The following GALC variants were observed in gnomAD, a reference collection of about 807,000 sequenced individuals.
GALC encodes galactocerebrosidase.
In GALC, 77 loss-of-function variants were observed where a neutral mutation model predicts 91.8. The ratio of observed to expected loss-of-function variants is 0.84; its 90% CI spans 0.70 to 1.01. The LOEUF (loss-of-function observed/expected upper bound fraction) is 1.01, where lower values mean the gene tolerates loss of function less well. Ranked by LOEUF, GALC falls within the 50% of genes least tolerant of loss-of-function variation. The pLI, the probability that GALC is intolerant of heterozygous loss-of-function variation, is 0.00. For missense variants in GALC, 882 were observed against 855.9 expected (o/e 1.03, Z -0.38); for synonymous variants, 357 against 306.7 (o/e 1.16, Z -1.71).
intron 14 of GALC, 23 bp downstream of exon 14, chr14:87,945,530 C>T (rs2139950942): frequency 6.5e-7 from 1 of 1,535,018 alleles, no homozygotes; most frequent in African/African-American, 1.4e-5. Context: ...CAGCCAGATC[C>T]ACATTGAGAA....
At chr14:87,940,061 G>T in intron 15 of GALC, 80 bp from the exon 16 acceptor site, 1 of 1,056,546 alleles carries the variant, frequency 9.5e-7, no homozygotes, top group Non-Finnish European at 1.5e-6. Flanking sequence ...TGGGGTTCTT[G>T]AGTGGCATCT....
chr14:87,978,542 A>G (rs1020927421), intron 6 of GALC, among the ~76,000 whole-genome samples: 1 of 152,234 alleles, frequency 6.6e-6, no homozygotes, highest in African/African-American at 2.4e-5. Context: ...GTTTCCATCC[A>G]TAAGTCATTA....
chr14:87,962,148 C>T (rs1292566018), intron 10 of GALC, among the ~76,000 whole-genome samples: 1 of 152,084 alleles, frequency 6.6e-6, no homozygotes, highest in Non-Finnish European at 1.5e-5. Flanking sequence ...AGAATATAAC[C>T]AGACAAAAAT....
At chr14:87,956,803 T>C (rs1885577285) in intron 10 of GALC, among the ~76,000 whole-genome samples, 1 of 151,800 alleles carries the variant, frequency 6.6e-6, no homozygotes, top group African/African-American at 2.4e-5. Context: ...CAGGAATGAA[T>C]GGCAGATCAA....
At chr14:87,946,543 A>G (rs1417412192) in intron 13 of GALC, among the ~76,000 whole-genome samples, 1 of 152,012 alleles carries the variant, frequency 6.6e-6, no homozygotes, top group Non-Finnish European at 1.5e-5. Flanking sequence ...TAGCTCATAA[A>G]GTATTACATT....
At position 87,976,813 on chromosome 14, in the gene GALC, G is replaced by A. The variant is rs146803770; in HGVS notation, c.622-325C>T. The stretch of plus-strand genomic sequence containing the variant: ...TATTTTTTAGCAGAGACAGGGTTTC[G>A]CCATATTGGCCAGGCTGGTCTTGAA... On this transcript the variant is annotated intron_variant, in intron 6 of 16. Transcript: ENST00000261304. The A allele has an allele frequency of 7.9e-3, 2,663 of 335,902 alleles. 68 individuals carry two copies. Among genetic ancestry groups the A allele is most frequent in the African/African-American group, 0.053 (2,482 of 46,514 alleles). The allele number at this position is 335,902 out of a possible 1,614,324, so 20.8% of individuals were successfully genotyped here. A position where few individuals can be genotyped will look rare whatever the true frequency, so the allele number is the denominator to read the frequency against.
At chr14:87,965,742 C>A in intron 8 of GALC, 113 bp from the exon 9 acceptor site, 1 of 1,033,616 alleles carries the variant, frequency 9.7e-7, no homozygotes, top group Non-Finnish European at 1.4e-6. Flanking sequence ...ACATAAATGA[C>A]AATAAAAGGA....
intron 7 of GALC, among the ~76,000 whole-genome samples, chr14:87,971,514 CA>C (rs1237918705): frequency 6.6e-6 from 1 of 151,956 alleles, no homozygotes; most frequent in Non-Finnish European, 1.5e-5. Flanking sequence ...TAAAAACCAG[CA>C]AAGGTCTTTA....
chr14:87,951,878 C>G (rs76509426), intron 10 of GALC, among the ~76,000 whole-genome samples: 2 of 151,596 alleles, frequency 1.3e-5, no homozygotes, highest in Non-Finnish European at 2.9e-5. Flanking sequence ...GATTAGAAAC[C>G]AAGAAAGGAT....
At chr14:87,955,905 G>A (rs1030392646) in intron 10 of GALC, among the ~76,000 whole-genome samples, 4 of 151,470 alleles carry the variant, frequency 2.6e-5, no homozygotes, top group African/African-American at 9.7e-5. Context: ...TATTCTGTAA[G>A]TTCAGAGTAT....
At chr14:87,954,938 T>A in intron 10 of GALC, 1 of 1,515,552 alleles carries the variant, frequency 6.6e-7, no homozygotes, top group South Asian at 1.1e-5. Context: ...TACATCCGTG[T>A]AGACTCAAAG....
chr14:87,946,387 A>G (rs1885072277), intron 13 of GALC, among the ~76,000 whole-genome samples: 1 of 152,034 alleles, frequency 6.6e-6, no homozygotes, highest in Non-Finnish European at 1.5e-5. Flanking sequence ...GCTGTAGAGG[A>G]GAAATTTTAC....
chr14:87,986,958 G>C (rs1013148079), intron 3 of GALC: 12 of 441,896 alleles, frequency 2.7e-5, no homozygotes, highest in Non-Finnish European at 4.9e-5. Context: ...CCAACTTTAA[G>C]TTCTGATTAC....
rs78508589 is a variant in GALC, at chr14:87,963,781, T to C, written c.1034-270A>G. On this transcript the variant is annotated intron_variant, in intron 9 of 16. Transcript: ENST00000261304. ...ATATGATCAGTCTTTTTTTTAAGAA[T>C]AAAATAGTTATTCCCCCCCCAAACT... is the stretch of plus-strand genomic sequence containing the variant. Among the ~76,000 whole-genome samples, 17,181 of 152,078 alleles carry C rather than the reference T, an allele frequency of 0.11. 1,141 individuals are homozygous for C. The highest frequency in any genetic ancestry group is 0.16 in the Non-Finnish European group (10,607 of 67,928).
intron 2 of GALC, 74 bp from the exon 3 acceptor site, chr14:87,988,281 T>C (rs1887056051): frequency 1.4e-6 from 2 of 1,422,202 alleles, no homozygotes; most frequent in Non-Finnish European, 2.0e-6. Context: ...AATTACTGCC[T>C]TAGGTTTTAC....
In GALC at chr14:87,984,541, G is replaced by T. The variant is rs1886890897; in HGVS notation, c.443-8C>A. 6.2e-7 allele frequency: 1 copy of T among 1,614,114 alleles called. No individual in the cohort carries two copies. On this transcript the variant is annotated splice_polypyrimidine_tract_variant and splice_region_variant and intron_variant, in intron 4 of 16. Coordinates refer to ENST00000261304, the MANE Select transcript of GALC (RefSeq NM_000153.4). ...GGAATGACCATGGCAACCCTGCAGAGAGAAGGGAGGAGGCAAAGGTAGAGG... is the reference window on the plus strand; with the variant it reads ...GGAATGACCATGGCAACCCTGCAGATAGAAGGGAGGAGGCAAAGGTAGAGG...
At chr14:87,950,898 T>C (rs1885279103) in intron 10 of GALC, 150 bp from the exon 11 acceptor site, 2 of 597,846 alleles carry the variant, frequency 3.3e-6, no homozygotes, top group Non-Finnish European at 6.0e-6. Context: ...AAGACTTTTT[T>C]ACAATATAAT....
At chr14:87,968,213 C>G in intron 8 of GALC, 122 bp downstream of exon 8, 1 of 799,416 alleles carries the variant, frequency 1.3e-6, no homozygotes, top group Non-Finnish European at 2.0e-6. Context: ...ATGACGCTAA[C>G]AAGGCAAAAT....
chr14:87,962,871 C>A (rs1885867215), intron 10 of GALC, among the ~76,000 whole-genome samples: 1 of 152,120 alleles, frequency 6.6e-6, no homozygotes, highest in African/African-American at 2.4e-5. Flanking sequence ...CACCTTCATT[C>A]TTTCATTCAG....
Sources: gnomAD v4.1 joint callset for allele counts (sites outside exome capture counted in the v4.1 genomes callset) on GRCh38, gnomAD v4.1.1 for gene constraint, MANE v1.5 for transcripts, NCBI Gene and HGNC (gene_info 2026-07-23, HGNC 2026-07-21) for gene names.